The following MAPK8IP3 variants were observed in gnomAD, a reference collection of about 807,000 sequenced individuals.
MAPK8IP3 encodes C-Jun-amino-terminal kinase-interacting protein 3.
In MAPK8IP3, 49 loss-of-function variants were observed where a neutral mutation model predicts 157.8. That is an observed-to-expected ratio of 0.31 (90% CI 0.25 to 0.39). The LOEUF is 0.39. Among genes scored for constraint, MAPK8IP3 ranks in the 10% least tolerant of loss-of-function variants. The probability of loss-of-function intolerance (pLI) is 1.00; values close to 1 mark genes in which losing one functional copy is unlikely to be tolerated. For synonymous variants in MAPK8IP3, 897 were observed against 777.7 expected (o/e 1.15, Z -2.55); for missense variants, 1,478 against 1,889.4 (o/e 0.78, Z 4.04).
chr16:1,734,857 T>C (rs1409091032), intron 4 of MAPK8IP3: 1 of 154,460 alleles, frequency 6.5e-6, no homozygotes, highest in Non-Finnish European at 1.5e-5. Flanking sequence ...ACATTTTCCT[T>C]CACGCCTGGC....
Position 1,748,632 on chromosome 16 carries a change from C to G in MAPK8IP3, c.1128C>G (p.Phe376Leu). The change falls in exon 8 of 32, where the codon TTC becomes TTG. Residue 376 changes from phenylalanine to leucine, a missense_variant. Phe to Leu is a conservative substitution (Grantham distance 22, BLOSUM62 0). Transcript: ENST00000610761. ...SPTQGIVNKA[F>L]GINTDSLYHE... Reference sequence around the variant, plus strand: ...CCCAGGGCATCGTGAACAAAGCTTTCGGCATCAACACCGACTCCCTGTACC... The same window carrying G: ...CCCAGGGCATCGTGAACAAAGCTTTGGGCATCAACACCGACTCCCTGTACC... 1 of 1,614,118 alleles carries G rather than the reference C, an allele frequency of 6.2e-7. No homozygotes were observed. Among genetic ancestry groups the G allele is most frequent in the Non-Finnish European group, 8.5e-7 (1 of 1,180,030 alleles).
chr16:1,765,418 G>C (rs1232915050), intron 20 of MAPK8IP3, among the ~76,000 whole-genome samples: 2 of 152,230 alleles, frequency 1.3e-5, no homozygotes, highest in African/African-American at 2.4e-5. Flanking sequence ...ACGCTTACCT[G>C]GTTAGAGGGT....
intron 4 of MAPK8IP3, among the ~76,000 whole-genome samples, chr16:1,738,278 GTGTGACCATCCA>G (rs1393948490): frequency 4.8e-5 from 4 of 83,478 alleles, no homozygotes; most frequent in African/African-American, 2.1e-4. Context: ...GTCCGTGTGA[GTGTGACCATCCA>G]TGTGAGCATC....
At chr16:1,764,938 G>T (rs2141943485) in intron 19 of MAPK8IP3, 75 bp from the exon 20 acceptor site, 1 of 1,435,894 alleles carries the variant, frequency 7.0e-7, no homozygotes, top group Non-Finnish European at 9.5e-7. Flanking sequence ...CAGATTCTGG[G>T]AGCCCCATGG....
At chr16:1,736,048 G>C (rs566528369) in intron 4 of MAPK8IP3, among the ~76,000 whole-genome samples, 2 of 127,024 alleles carry the variant, frequency 1.6e-5, no homozygotes, top group Non-Finnish European at 3.2e-5. Context: ...CCGTGTGAGC[G>C]TGTGACCGTC....
chr16:1,746,611 C>T (rs369696242), intron 5 of MAPK8IP3: 21 of 202,794 alleles, frequency 1.0e-4, no homozygotes, highest in East Asian at 4.1e-4. Context: ...GCAGCGGTGG[C>T]GGCACAGCCA....
At chr16:1,735,574 AGTCC>A (rs2039658609) in intron 4 of MAPK8IP3, among the ~76,000 whole-genome samples, 1 of 97,832 alleles carries the variant, frequency 1.0e-5, no homozygotes. Context: ...TCCATGTGAG[AGTCC>A]GTGTGACCAT....
chr16:1,749,667 G>C (rs4318207), intron 8 of MAPK8IP3, among the ~76,000 whole-genome samples: 32,541 of 152,206 alleles, frequency 0.21, 3,661 homozygotes, highest in East Asian at 0.35. Context: ...GTAGGACAGC[G>C]CAGTCTGTCC....
rs1414780982 is a variant in MAPK8IP3, at chr16:1,724,182, C to G, written c.319-375C>G. Among the ~76,000 whole-genome samples the G allele has an allele frequency of 6.6e-6, 1 of 152,246 alleles. No individual in the cohort carries two copies. The highest frequency in any genetic ancestry group is 1.5e-5 in the Non-Finnish European group (1 of 68,050). On this transcript the variant is annotated intron_variant, in intron 1 of 31. Transcript: ENST00000610761. The surrounding 1 kb of genome is among the most constrained non-coding windows in gnomAD (Gnocchi z 4.1). Reference sequence around the variant, plus strand: ...AATTAGCAACATTTCAAGATGGCAGCAGCCAAGCCAAGCATTGGGCCTTCT... The same window carrying G: ...AATTAGCAACATTTCAAGATGGCAGGAGCCAAGCCAAGCATTGGGCCTTCT...
At chr16:1,715,319 G>T (rs1390375327) in intron 1 of MAPK8IP3, among the ~76,000 whole-genome samples, 1 of 152,130 alleles carries the variant, frequency 6.6e-6, no homozygotes, top group Non-Finnish European at 1.5e-5. Context: ...GGCTTCAGGG[G>T]CAGCTTTGTA....
chr16:1,734,801 G>A lies in MAPK8IP3; in HGVS notation c.602+5223G>A, dbSNP rs1017054183. 5.2e-5 allele frequency among the ~76,000 whole-genome samples: 8 copies of A among 152,406 alleles called. No individual in the cohort carries two copies. The East Asian group carries it at 9.6e-4, about 18-fold the overall frequency. Reference sequence around the variant, plus strand: ...AAACCCCTTGATTCACCATGAGGGCGCCGTCCATCCTCAGCGCTGGGCGCC... The same window carrying A: ...AAACCCCTTGATTCACCATGAGGGCACCGTCCATCCTCAGCGCTGGGCGCC... On this transcript the variant is annotated intron_variant, in intron 4 of 31. Coordinates refer to ENST00000610761, the MANE Select transcript of MAPK8IP3 (RefSeq NM_001318852.2).
chr16:1,726,632 C>T (rs938861774), intron 2 of MAPK8IP3, among the ~76,000 whole-genome samples: 1 of 152,124 alleles, frequency 6.6e-6, no homozygotes, highest in African/African-American at 2.4e-5. Flanking sequence ...GCCTTGATCA[C>T]GCCACTGCAC....
chr16:1,759,352 G>A (rs1287368659), intron 10 of MAPK8IP3, among the ~76,000 whole-genome samples: 1 of 152,222 alleles, frequency 6.6e-6, no homozygotes, highest in Admixed American at 6.5e-5. Flanking sequence ...GTGTGATGCT[G>A]TTTCATGACT....
chr16:1,729,300 T>A, intron 3 of MAPK8IP3, 92 bp downstream of exon 3: 1 of 1,447,046 alleles, frequency 6.9e-7, no homozygotes, highest in South Asian at 1.2e-5. Context: ...TTTTCTTCCC[T>A]GGCATGTCCC....
chr16:1,757,236 C>A (rs1437750663), intron 8 of MAPK8IP3, among the ~76,000 whole-genome samples: 1 of 152,120 alleles, frequency 6.6e-6, no homozygotes, highest in Non-Finnish European at 1.5e-5. Context: ...GCCCGAGTAG[C>A]TGGGACTACA....
chr16:1,738,012 G>A (rs1218538773), intron 4 of MAPK8IP3, among the ~76,000 whole-genome samples: 2 of 86,536 alleles, frequency 2.3e-5, no homozygotes, highest in Admixed American at 1.2e-4. Context: ...GCATCTGTGT[G>A]ACCGTCCGTG....
chr16:1,763,851 G>A, intron 17 of MAPK8IP3, 68 bp downstream of exon 17: 1 of 1,036,908 alleles, frequency 9.6e-7, no homozygotes, highest in South Asian at 1.9e-5. Flanking sequence ...GGGGCGGGGC[G>A]CTGTGGGGCG....
At chr16:1,760,923 C>T (rs2041897747) in intron 12 of MAPK8IP3, among the ~76,000 whole-genome samples, 1 of 152,238 alleles carries the variant, frequency 6.6e-6, no homozygotes, top group Non-Finnish European at 1.5e-5. Context: ...CAGATCTGCT[C>T]TGGGTTTGCC....
Position 1,724,418 on chromosome 16 carries a change from C to T in MAPK8IP3, c.319-139C>T, listed in dbSNP as rs1053591981. 108 of 1,189,032 alleles carry T rather than the reference C, an allele frequency of 9.1e-5. No individual in the cohort carries two copies. Among genetic ancestry groups the T allele is most frequent in the East Asian group, 6.7e-4 (28 of 41,652 alleles). The allele number at this position is 1,189,032 out of a possible 1,614,324, so 73.7% of individuals were successfully genotyped here. On this transcript the variant is annotated intron_variant, in intron 1 of 31. Transcript: ENST00000610761. The surrounding 1 kb of genome is among the most constrained non-coding windows in gnomAD (Gnocchi z 4.1). ...GCCACGTGGCGGGAAGCCCCCATTC[C>T]GGCCTGGCCATGGGCCAGCTTGTGG...
Sources: gnomAD v4.1 joint callset for allele counts (sites outside exome capture counted in the v4.1 genomes callset) on GRCh38, gnomAD v4.1.1 for gene constraint, Gnocchi (gnomAD v3.1) non-coding constraint, MANE v1.5 for transcripts, NCBI Gene and HGNC (gene_info 2026-07-23, HGNC 2026-07-21) for gene names.